Variants in NDRG2 observed in about 807,000 individuals in gnomAD.
NDRG2 encodes the protein NDRG family member 2, also known as protein NDRG2.
NDRG2 carries 34 observed loss-of-function variants against 58.2 expected under a neutral mutation model. The observed-to-expected ratio is 0.58, with a 90% confidence interval of 0.44 to 0.78. The LOEUF (loss-of-function observed/expected upper bound fraction) is 0.78, where lower values mean the gene tolerates loss of function less well. Ranked by LOEUF, NDRG2 falls within the 30% of genes least tolerant of loss-of-function variation. The pLI is 0.00. For synonymous variants in NDRG2, 187 were observed against 175.9 expected, an observed-to-expected ratio of 1.06 and a Z score of -0.50; for missense variants, 434 against 471.2, an observed-to-expected ratio of 0.92 and a Z score of 0.73.
chr14:21,026,704 A>G (rs1056687369), upstream of NDRG2, among the ~76,000 whole-genome samples: 7 of 151,728 alleles, frequency 4.6e-5, no homozygotes, highest in East Asian at 1.9e-4. Context: ...ACATCCCCCA[A>G]TTTGGAGCAC....
chr14:21,055,898 C>T (rs192827231), intron 1 of NDRG2, among the ~76,000 whole-genome samples: 1 of 152,194 alleles, frequency 6.6e-6, no homozygotes, highest in East Asian at 1.9e-4. Flanking sequence ...AGATTTGTTC[C>T]CTGCTGCCCA....
chr14:21,032,756 A>G (rs1197343648), intron 1 of NDRG2: 2 of 365,616 alleles, frequency 5.5e-6, no homozygotes, highest in African/African-American at 4.3e-5. Context: ...GGCTGCCAGG[A>G]TTCCAAGAGC....
In NDRG2 at chr14:21,017,478, C is replaced by G; in HGVS notation, c.*118G>C. On this transcript the variant is annotated 3_prime_UTR_variant, in exon 16 of 16. Coordinates refer to ENST00000556147, the MANE Select transcript of NDRG2 (RefSeq NM_001320329.2). Reference sequence around the variant, plus strand: ...TAGCAATCAAAGATCAAGGTCATCTCCCCGCATGATCTGCCCTTTTTCCCT... The same window carrying G: ...TAGCAATCAAAGATCAAGGTCATCTGCCCGCATGATCTGCCCTTTTTCCCT... 11 of 1,141,554 alleles carry G rather than the reference C, an allele frequency of 9.6e-6. No individual in the cohort carries two copies. Among genetic ancestry groups the G allele is most frequent in the Non-Finnish European group, 9.8e-6 (8 of 812,574 alleles). The allele number at this position is 1,141,554 out of a possible 1,614,324, so 70.7% of individuals were successfully genotyped here. A position where few individuals can be genotyped will look rare whatever the true frequency, so the allele number is the denominator to read the frequency against.
At chr14:21,035,224 C>T (rs1884542423) in intron 1 of NDRG2, among the ~76,000 whole-genome samples, 1 of 152,232 alleles carries the variant, frequency 6.6e-6, no homozygotes, top group South Asian at 2.1e-4. Flanking sequence ...CACCTGTGAC[C>T]TCAGGCCCTG....
chr14:21,041,248 G>T (rs113478880), intron 1 of NDRG2, among the ~76,000 whole-genome samples: 1 of 152,104 alleles, frequency 6.6e-6, no homozygotes, highest in Admixed American at 6.5e-5. Flanking sequence ...TCCTGCCATG[G>T]CCTCCCAAAG....
Position 21,058,193 on chromosome 14 carries a change from G to A in NDRG2, c.24+12635C>T, listed in dbSNP as rs116348184. 6.9e-4 allele frequency: 1,112 copies of A among 1,614,060 alleles called. 3 individuals are homozygous for A. The African/African-American group carries it at 0.013, about 19-fold the overall frequency. On this transcript the variant is annotated intron_variant, in intron 1 of 14. Coordinates refer to the NDRG2 transcript ENST00000403829. ...CTGTAAAAACTGCCACCAGAGCCAC[G>A]GGCCCATGTCCCTGACCATGGGTGA...
chr14:21,068,585 GC>G (rs1193747301), intron 1 of NDRG2, among the ~76,000 whole-genome samples: 1 of 152,114 alleles, frequency 6.6e-6, no homozygotes, highest in East Asian at 1.9e-4. Flanking sequence ...CCTGTAACCC[GC>G]CCCTGGGCAG....
chr14:21,030,622 C>G (rs777450911), upstream of NDRG2: 1 of 1,613,836 alleles, frequency 6.2e-7, no homozygotes, highest in African/African-American at 1.3e-5. Flanking sequence ...CGGTTTGCTG[C>G]GTTTGGAGAA....
At chr14:21,052,895 C>G (rs577557810) in intron 1 of NDRG2, among the ~76,000 whole-genome samples, 1 of 152,144 alleles carries the variant, frequency 6.6e-6, no homozygotes, top group Non-Finnish European at 1.5e-5. Context: ...GAGAGAAATA[C>G]GTACAAGAGA....
At chr14:21,069,305 C>T (rs1335389301) in intron 1 of NDRG2, among the ~76,000 whole-genome samples, 2 of 152,174 alleles carry the variant, frequency 1.3e-5, no homozygotes, top group Non-Finnish European at 2.9e-5. Flanking sequence ...ACTAGCCCAC[C>T]CTGCTTTGTC....
chr14:21,032,478 T>C (rs978835484), intron 1 of NDRG2: 1 of 385,022 alleles, frequency 2.6e-6, no homozygotes, highest in Non-Finnish European at 5.1e-6. Flanking sequence ...TGATGGACTA[T>C]GACTATATCA....
chr14:21,043,019 C>T (rs756689047), intron 1 of NDRG2: 13 of 1,613,926 alleles, frequency 8.1e-6, no homozygotes, highest in Non-Finnish European at 1.1e-5. Context: ...CAGGATTCTG[C>T]CCCCTTCTGC....
At chr14:21,019,055 G>C (rs1404836705) in intron 11 of NDRG2, 61 bp downstream of exon 11, 1 of 1,514,358 alleles carries the variant, frequency 6.6e-7, no homozygotes, top group Non-Finnish European at 9.0e-7. Flanking sequence ...TCTTCTAAGG[G>C]ACACAAGCTC....
intron 1 of NDRG2, among the ~76,000 whole-genome samples, chr14:21,036,932 G>A (rs1043903620): frequency 1.5e-4 from 23 of 152,206 alleles, no homozygotes; most frequent in African/African-American, 4.6e-4. Context: ...GCAGGGTGTC[G>A]CCTGAGCCTG....
chr14:21,066,195 C>A (rs1427556451), intron 1 of NDRG2, among the ~76,000 whole-genome samples: 1 of 151,892 alleles, frequency 6.6e-6, no homozygotes, highest in African/African-American at 2.4e-5. Context: ...CACCACAGGG[C>A]TATGGTAAAA....
upstream of NDRG2, chr14:21,029,198 T>A (rs1255091786): frequency 6.6e-6 from 1 of 152,248 alleles, no homozygotes; most frequent in African/African-American, 2.4e-5. Context: ...TTCTCCATGC[T>A]ACACTTGAGC....
At chr14:21,033,245 G>A in intron 1 of NDRG2, 1 of 319,878 alleles carries the variant, frequency 3.1e-6, no homozygotes, top group Non-Finnish European at 6.0e-6. Context: ...TATGAAGGGA[G>A]AAACCATGAT....
rs1369151325 is a variant in NDRG2 at position 21,070,866 on chromosome 14, C to T, written c.-15G>A. Reference sequence around the variant, plus strand: ...CCATTTTCCATCCCTGTCCCCAACCCGGTGAGGCAGGCCCACCCATCCGGC... The same window carrying T: ...CCATTTTCCATCCCTGTCCCCAACCTGGTGAGGCAGGCCCACCCATCCGGC... On this transcript the variant is annotated 5_prime_UTR_variant, in exon 1 of 15. Transcript: ENST00000403829. This position sits in a 1 kb window ranked among gnomAD's most constrained non-coding sequence, Gnocchi z 4.7. 2.6e-6 allele frequency: 4 copies of T among 1,535,534 alleles called. No individual in the cohort carries two copies. Among genetic ancestry groups the T allele is most frequent in the African/African-American group, 2.7e-5 (2 of 73,046 alleles).
At chr14:21,059,006 T>C (rs539497991) in intron 1 of NDRG2, among the ~76,000 whole-genome samples, 1 of 152,318 alleles carries the variant, frequency 6.6e-6, no homozygotes, top group African/African-American at 2.4e-5. Flanking sequence ...GCAGGCACAG[T>C]CTGGGAAGCT....
Sources: allele counts gnomAD v4.1 joint callset (sites outside exome capture counted in the v4.1 genomes callset), GRCh38; gene constraint gnomAD v4.1.1; non-coding constraint Gnocchi (gnomAD v3.1); transcripts MANE v1.5; gene names NCBI Gene and HGNC (gene_info 2026-07-23, HGNC 2026-07-21).